Variants in TAF4 observed in about 807,000 individuals in gnomAD.
TAF4 encodes the protein TATA-box binding protein associated factor 4, also known as transcription initiation factor TFIID subunit 4.
Under a neutral mutation model 90.3 loss-of-function variants are expected in TAF4, and 9 were observed. The observed-to-expected ratio is 0.10, with a 90% confidence interval of 0.06 to 0.17. The LOEUF (loss-of-function observed/expected upper bound fraction) is 0.17. Ranked by LOEUF, TAF4 falls within the 10% of genes least tolerant of loss-of-function variation. TAF4 has a pLI of 1.00. For missense variants in TAF4, 1,351 were observed against 1,370.7 expected (o/e 0.99, Z 0.23); for synonymous variants, 818 against 638.9 (o/e 1.28, Z -4.23).
intron 1 of TAF4, among the ~76,000 whole-genome samples, chr20:62,057,551 C>T (rs908611016): frequency 1.1e-4 from 16 of 152,226 alleles, no homozygotes; most frequent in Admixed American, 1.3e-4. Context: ...GCCACGTGTG[C>T]CTTCCTCACA....
intron 1 of TAF4, among the ~76,000 whole-genome samples, chr20:62,035,062 C>A (rs144893999): frequency 6.6e-6 from 1 of 152,136 alleles, no homozygotes; most frequent in Non-Finnish European, 1.5e-5. Context: ...CCTCATGATC[C>A]GCCTGCCTGG....
chr20:62,004,328 C>CTTTTTTTTTTTTTTTTTTTTTTT (rs60437230), intron 7 of TAF4, among the ~76,000 whole-genome samples: 32 of 117,200 alleles, frequency 2.7e-4, no homozygotes, highest in Middle Eastern at 6.4e-3. Context: ...CTTTTCTTTT[C>CTTTTTTTTTTTTTTTTTTTTTTT]TTTTTTTTTT....
chr20:62,017,998 G>T (rs1179535634), intron 1 of TAF4, among the ~76,000 whole-genome samples: 1 of 152,038 alleles, frequency 6.6e-6, no homozygotes. Flanking sequence ...GTGAAAATGT[G>T]CCCTGTGGTC....
chr20:62,062,554 C>T (rs1206241744), intron 1 of TAF4, among the ~76,000 whole-genome samples: 1 of 152,232 alleles, frequency 6.6e-6, no homozygotes, highest in Non-Finnish European at 1.5e-5. Flanking sequence ...GCTCTCAGCA[C>T]TGCCACCCAA....
rs977099171 is a variant in TAF4, at chr20:62,064,765, C to T, written c.1046G>A (p.Arg349Lys). 32 of 1,138,460 alleles carry T rather than the reference C, an allele frequency of 2.8e-5. No individual in the cohort carries two copies. Among genetic ancestry groups the T allele is most frequent in the Non-Finnish European group, 3.2e-5 (30 of 930,950 alleles). 70.5% of individuals were successfully genotyped at this position (1,138,460 alleles called of 1,614,324 possible). A position where few individuals can be genotyped will look rare whatever the true frequency, so the allele number is the denominator to read the frequency against. Reference sequence around the variant, plus strand: ...CGCCGGGGGCGCCGCCTGCACCACCCTCTTGGGCGACTCGGCCTTGACCCC... The same window carrying T: ...CGCCGGGGGCGCCGCCTGCACCACCTTCTTGGGCGACTCGGCCTTGACCCC... ...APGVKAESPKRVVQAAPPAAQ... is the reference protein window; with the variant it reads ...APGVKAESPKKVVQAAPPAAQ... Residue 349 changes from arginine (R) to lysine (K), a missense_variant, in exon 1 of 15, where the codon AGG (arginine) becomes AAG (lysine). Transcript: ENST00000252996.
chr20:61,997,752 G>C, intron 13 of TAF4, 83 bp from the exon 14 acceptor site: 6 of 1,439,148 alleles, frequency 4.2e-6, no homozygotes, highest in Non-Finnish European at 5.5e-6. Flanking sequence ...GATATGAAAG[G>C]GTTTTCTGTA....
chr20:61,997,619 T>C lies in TAF4; in HGVS notation c.3021A>G (p.Thr1007=), dbSNP rs1290876444. The C allele has an allele frequency of 1.2e-6, 2 of 1,613,736 alleles. No individual in the cohort carries two copies. The highest frequency in any genetic ancestry group is 1.7e-6 in the Non-Finnish European group (2 of 1,179,908). ...AQMRQRDANL[T]ALAAIGPRKK... ...TCCTGGGCCCGATCGCTGCTAGTGC[T>C]GTGAGGTTGGCGTCCCGCTGTCTCA... The change falls in exon 14 of 15, where the codon ACA becomes ACG. Residue 1007 remains threonine (T), a synonymous_variant. Transcript: ENST00000252996.
chr20:62,006,736 T>C lies in TAF4; in HGVS notation c.1997A>G (p.Gln666Arg). The C allele has an allele frequency of 6.5e-7, 1 of 1,538,578 alleles. No homozygotes were observed. The highest frequency in any genetic ancestry group is 8.8e-7 in the Non-Finnish European group (1 of 1,134,800). ...FLKRSLPALR[Q>R]LTPDSAAFIQ... ...GAAGGCCGCGGAGTCGGGGGTCAGC[T>C]GTCTCAAGGCGGGTAAGCTCCTCTG... Residue 666 changes from glutamine (Q) to arginine (R), a missense_variant, in exon 7 of 15, where the codon CAG (glutamine) becomes CGG (arginine). Around this residue, in one of 9 missense-constraint regions of TAF4, gnomAD observed 202 missense variants for 229.7 expected, o/e 0.88. Transcript: ENST00000252996. This position sits in a 1 kb window ranked among gnomAD's most constrained non-coding sequence, Gnocchi z 7.0.
chr20:62,032,757 T>C (rs944872982), intron 1 of TAF4, among the ~76,000 whole-genome samples: 4 of 152,168 alleles, frequency 2.6e-5, no homozygotes, highest in Non-Finnish European at 5.9e-5. Flanking sequence ...CAGAACACAT[T>C]GGCAGGGAGA....
At chr20:61,991,975 T>C (rs1357328105) in intron 14 of TAF4, among the ~76,000 whole-genome samples, 1 of 152,026 alleles carries the variant, frequency 6.6e-6, no homozygotes, top group Non-Finnish European at 1.5e-5. Flanking sequence ...CAGAGTAACA[T>C]CCTTAAGACA....
chr20:61,976,167 G>C lies in TAF4; in HGVS notation c.*1C>G. ...AAAAAGTCCCCAGGCGTCCTCCTGT[G>C]TCACTTAAGGAATGCTTTGTAGAGC... is the stretch of plus-strand genomic sequence containing the variant. On this transcript the variant is annotated 3_prime_UTR_variant, in exon 15 of 15. Coordinates refer to ENST00000252996, the MANE Select transcript of TAF4 (RefSeq NM_003185.4). The C allele has an allele frequency of 1.9e-6, 3 of 1,613,686 alleles. No homozygotes were observed. The highest frequency in any genetic ancestry group is 2.7e-5 in the African/African-American group (2 of 75,050).
At chr20:62,063,931 G>C (rs532912455) in intron 1 of TAF4, among the ~76,000 whole-genome samples, 3 of 152,378 alleles carry the variant, frequency 2.0e-5, no homozygotes, top group Admixed American at 1.3e-4. Context: ...TCCTCGCCTG[G>C]AGACTGAAGA....
intron 14 of TAF4, among the ~76,000 whole-genome samples, chr20:61,983,640 G>A (rs530063756): frequency 2.0e-5 from 3 of 152,256 alleles, no homozygotes; most frequent in African/African-American, 7.2e-5. Context: ...ACTCCAGCCT[G>A]GGTGACAGTG....
chr20:61,976,335 C>G lies in TAF4; in HGVS notation c.3091G>C (p.Gly1031Arg). ...GGGACCACTGAGCCGGGGCCCGACC[C>G]CTGGTGATGAAAAAGGAGAAGACAG... ...DCPGPGSGAE[G>R]SGPGSVVPGS... is the part of the protein sequence containing the mutation. The change falls in exon 15 of 15, where the codon GGG (glycine) becomes CGG (arginine). Residue 1031 changes from glycine (G) to arginine (R), a missense_variant and splice_region_variant. Transcript: ENST00000252996. 3.7e-6 allele frequency: 6 copies of G among 1,612,936 alleles called. No homozygotes were observed. Among genetic ancestry groups the G allele is most frequent in the Non-Finnish European group, 5.1e-6 (6 of 1,179,954 alleles).
intron 2 of TAF4, among the ~76,000 whole-genome samples, 187 bp from the exon 3 acceptor site, chr20:62,013,121 A>G (rs1243485295): frequency 6.6e-6 from 1 of 152,234 alleles, no homozygotes; most frequent in African/African-American, 2.4e-5. Context: ...TATGACAAAC[A>G]TTTTCCTATA....
At chr20:62,003,558 A>G (rs1384434551) in intron 8 of TAF4, among the ~76,000 whole-genome samples, 173 bp downstream of exon 8, 1 of 152,270 alleles carries the variant, frequency 6.6e-6, no homozygotes, top group Non-Finnish European at 1.5e-5. Context: ...TCATACTGAC[A>G]GTGGTGATGG....
intron 1 of TAF4, among the ~76,000 whole-genome samples, chr20:62,057,279 TTCAGCTCCCTGGC>T (rs766173473): frequency 9.9e-5 from 15 of 152,146 alleles, no homozygotes; most frequent in Non-Finnish European, 2.2e-4. Flanking sequence ...CAGAGAAGGG[TTCAGCTCCCTGGC>T]TCCTAGTGTC....
intron 1 of TAF4, among the ~76,000 whole-genome samples, chr20:62,021,773 T>TAA (rs915045187): frequency 4.0e-5 from 6 of 151,818 alleles, no homozygotes; most frequent in Non-Finnish European, 8.8e-5. Context: ...AACAGGCATA[T>TAA]GATTAAAGTT....
intron 1 of TAF4, among the ~76,000 whole-genome samples, chr20:62,017,855 T>G (rs1260191722): frequency 3.3e-5 from 5 of 151,394 alleles, no homozygotes; most frequent in African/African-American, 1.2e-4. Flanking sequence ...AAAAAAAAAG[T>G]ATCCAGATAT....
Sources: gnomAD v4.1 joint callset for allele counts (sites outside exome capture counted in the v4.1 genomes callset) on GRCh38, gnomAD v4.1.1 for gene constraint, gnomAD v4.1.1 regional missense constraint, Gnocchi (gnomAD v3.1) non-coding constraint, MANE v1.5 for transcripts, NCBI Gene and HGNC (gene_info 2026-07-23, HGNC 2026-07-21) for gene names.